Variants in FUCA1 observed in about 807,000 individuals in gnomAD.
FUCA1 encodes alpha-L-fucosidase 1.
FUCA1 carries 52 observed loss-of-function variants against 56.8 expected under a neutral mutation model. That is an observed-to-expected ratio of 0.92 (90% CI 0.73 to 1.15). The LOEUF (loss-of-function observed/expected upper bound fraction) is 1.15. Ranked by LOEUF, FUCA1 falls within the 50% of genes most tolerant of loss-of-function variation. The probability of loss-of-function intolerance (pLI) is 0.00; values close to 1 mark genes in which losing one functional copy is unlikely to be tolerated. For missense variants in FUCA1, 568 were observed against 592.6 expected (o/e 0.96, Z 0.43); for synonymous variants, 230 against 226.6 (o/e 1.02, Z -0.14).
In FUCA1 at chr1:23,845,539, T is replaced by A. The variant is rs573642976; in HGVS notation, c.*176A>T. On this transcript the variant is annotated 3_prime_UTR_variant, in exon 8 of 8. Coordinates refer to ENST00000374479, the MANE Select transcript of FUCA1 (RefSeq NM_000147.5). Reference sequence around the variant, plus strand: ...AGATATAATCACAATGGATCTCAGATCTTTGGTCCATTTAGACATCAGGGT... The same window carrying A: ...AGATATAATCACAATGGATCTCAGAACTTTGGTCCATTTAGACATCAGGGT... 3 of 706,766 alleles carry A rather than the reference T, an allele frequency of 4.2e-6. No individual in the cohort carries two copies. In the South Asian group the frequency reaches 5.3e-5, roughly 12 times the overall value. The allele number at this position is 706,766 out of a possible 1,614,324, so 43.8% of individuals were successfully genotyped here.
chr1:23,846,323 G>A (rs989608718), intron 6 of FUCA1, 150 bp from the exon 7 acceptor site: 10 of 649,020 alleles, frequency 1.5e-5, no homozygotes, highest in Non-Finnish European at 2.7e-5. Context: ...CCAGGCTGGA[G>A]TGCAATGGTG....
chr1:23,855,532 GTTCAA>G lies in FUCA1; in HGVS notation c.769-977_769-973del, dbSNP rs563983289. ...AAAACAAAAACAAAACTGAAACCATGTTCAATTCATCACGGCAAAAAGAGATTTAT... is the reference window on the plus strand; with the variant it reads ...AAAACAAAAACAAAACTGAAACCATGTTCATCACGGCAAAAAGAGATTTAT... On this transcript the variant is annotated intron_variant, in intron 4 of 7. Transcript: ENST00000374479. Among the ~76,000 whole-genome samples, 778 of 152,278 alleles carry G rather than the reference GTTCAA, an allele frequency of 5.1e-3. 4 individuals carry two copies. The highest frequency in any genetic ancestry group is 5.6e-3 in the Non-Finnish European group (380 of 68,030).
chr1:23,863,856 CAAAAA>C (rs1477818505), intron 2 of FUCA1, among the ~76,000 whole-genome samples: 2 of 151,574 alleles, frequency 1.3e-5, no homozygotes, highest in Non-Finnish European at 2.9e-5. Flanking sequence ...TGTCTCAAAA[CAAAAA>C]CAAAACAAAA....
chr1:23,846,393 T>A (rs1639141842), intron 6 of FUCA1, among the ~76,000 whole-genome samples: 1 of 151,774 alleles, frequency 6.6e-6, no homozygotes, highest in African/African-American at 2.4e-5. Flanking sequence ...TGGTTCAGCC[T>A]CCTGAGTCAC....
rs768651380 is a variant in FUCA1 at position 23,845,699 on chromosome 1, T to A, written c.*16A>T. The A allele has an allele frequency of 5.0e-6, 8 of 1,614,180 alleles. No individual in the cohort carries two copies. The highest frequency in any genetic ancestry group is 6.8e-6 in the Non-Finnish European group (8 of 1,180,008). The stretch of plus-strand genomic sequence containing the variant: ...AAAACAGTGAGCAGCGCCTCTTTCT[T>A]CTTGCACTCAAATGATTACTTCACT... On this transcript the variant is annotated 3_prime_UTR_variant, in exon 8 of 8. Coordinates refer to ENST00000374479, the MANE Select transcript of FUCA1 (RefSeq NM_000147.5).
At chr1:23,849,046 G>A (rs1639203986) in intron 5 of FUCA1, among the ~76,000 whole-genome samples, 1 of 151,528 alleles carries the variant, frequency 6.6e-6, no homozygotes, top group African/African-American at 2.4e-5. Flanking sequence ...TGGCTCAACT[G>A]CATCTCGGCT....
intron 5 of FUCA1, among the ~76,000 whole-genome samples, chr1:23,850,427 A>T (rs1012119951): frequency 6.6e-6 from 1 of 151,696 alleles, no homozygotes; most frequent in African/African-American, 2.4e-5. Context: ...TTTCCTATGT[A>T]GTTAATTTTA....
chr1:23,853,804 CAGGGTTA>C (rs1444448761), intron 5 of FUCA1, among the ~76,000 whole-genome samples: 14 of 151,964 alleles, frequency 9.2e-5, no homozygotes, highest in Non-Finnish European at 1.9e-4. Context: ...TGTGTCCACT[CAGGGTTA>C]AATGGATTAA....
chr1:23,852,100 T>TAATAATAATAAAAAA (rs370893792), intron 5 of FUCA1, among the ~76,000 whole-genome samples: 1 of 149,714 alleles, frequency 6.7e-6, no homozygotes, highest in East Asian at 2.0e-4. Flanking sequence ...ATAATAATAA[T>TAATAATAATAAAAAA]AAAAAGTGGT....
intron 5 of FUCA1, 35 bp from the exon 6 acceptor site, chr1:23,848,874 G>T: frequency 6.4e-7 from 1 of 1,565,436 alleles, no homozygotes; most frequent in Non-Finnish European, 8.8e-7. Flanking sequence ...GTCTAGCTAT[G>T]AATGCCAAGC....
Position 23,863,139 on chromosome 1 carries a change from A to G in FUCA1, c.657T>C (p.Val219=). 1 of 1,613,890 alleles carries G rather than the reference A, an allele frequency of 6.2e-7. No individual in the cohort carries two copies. The highest frequency in any genetic ancestry group is 8.5e-7 in the Non-Finnish European group (1 of 1,179,970). ...AKTMPELYDL[V]NSYKPDLIWS... ...AAAATATTTCAGTGTCTTACCTGTT[A>G]ACAAGGTCGTACAGCTCTGGCATTG... The change falls in exon 3 of 8, where the codon GTT becomes GTC. Residue 219 remains valine (V), a synonymous_variant. Transcript: ENST00000374479.
chr1:23,853,646 G>A (rs1485974911), intron 5 of FUCA1, among the ~76,000 whole-genome samples: 1 of 151,124 alleles, frequency 6.6e-6, no homozygotes, highest in Non-Finnish European at 1.5e-5. Flanking sequence ...GGAAAGGATT[G>A]AGAAATCGGA....
At chr1:23,866,454 C>A (rs2148449625) in intron 1 of FUCA1, among the ~76,000 whole-genome samples, 1 of 152,306 alleles carries the variant, frequency 6.6e-6, no homozygotes, top group Non-Finnish European at 1.5e-5. Context: ...GAAATAACAA[C>A]CAAATCACTC....
In FUCA1 at chr1:23,868,120, G is replaced by A. The variant is rs886046325; in HGVS notation, c.167C>T (p.Ala56Val). 1 of 1,611,768 alleles carries A rather than the reference G, an allele frequency of 6.2e-7. No individual in the cohort carries two copies. The highest frequency in any genetic ancestry group is 1.1e-5 in the South Asian group (1 of 90,906). Reference sequence around the variant, plus strand: ...CCAGTGGATGAACACCCCGAACTTGGCTTCGTCGAACCAGGCCGGCAGCGG... The same window carrying A: ...CCAGTGGATGAACACCCCGAACTTGACTTCGTCGAACCAGGCCGGCAGCGG... Reference protein sequence around the residue: ...SRPLPAWFDEAKFGVFIHWGV... With the variant: ...SRPLPAWFDEVKFGVFIHWGV... Residue 56 changes from alanine (A) to valine (V), a missense_variant, in exon 1 of 8, where the codon GCC becomes GTC. Ala to Val is a moderately conservative substitution (Grantham distance 64). Coordinates refer to ENST00000374479, the MANE Select transcript of FUCA1 (RefSeq NM_000147.5).
In FUCA1 at chr1:23,863,124, A is replaced by T. The variant is rs376168280; in HGVS notation, c.662+10T>A. ...AAAAGTCATAGGGCCAAAATATTTC[A>T]GTGTCTTACCTGTTAACAAGGTCGT... On this transcript the variant is annotated intron_variant, in intron 3 of 7. Coordinates refer to ENST00000374479, the MANE Select transcript of FUCA1 (RefSeq NM_000147.5). 7.4e-6 allele frequency: 12 copies of T among 1,613,598 alleles called. No individual in the cohort carries two copies. In the African/African-American group the frequency reaches 1.6e-4, roughly 22 times the overall value.
intron 2 of FUCA1, among the ~76,000 whole-genome samples, chr1:23,864,248 A>T (rs1036823328): frequency 1.3e-5 from 2 of 151,852 alleles, no homozygotes; most frequent in African/African-American, 4.8e-5. Flanking sequence ...CACCACACCC[A>T]GCTAATTTAT....
At chr1:23,848,559 G>A in intron 6 of FUCA1, 90 bp downstream of exon 6, 2 of 1,295,050 alleles carry the variant, frequency 1.5e-6, no homozygotes, top group South Asian at 2.4e-5. Context: ...GCAACTTCCA[G>A]CCTGGCTTGT....
chr1:23,853,132 C>A (rs1318427952), intron 5 of FUCA1, among the ~76,000 whole-genome samples: 24 of 147,786 alleles, frequency 1.6e-4, no homozygotes, highest in East Asian at 4.1e-4. Flanking sequence ...CCCGCCGCCC[C>A]GTCTGGGATG....
chr1:23,861,919 T>C (rs910082873), intron 3 of FUCA1, among the ~76,000 whole-genome samples: 1 of 152,206 alleles, frequency 6.6e-6, no homozygotes, highest in African/African-American at 2.4e-5. Flanking sequence ...TATAAGAAAT[T>C]GTACTAGGCA....
Sources: allele counts gnomAD v4.1 joint callset (sites outside exome capture counted in the v4.1 genomes callset), GRCh38; gene constraint gnomAD v4.1.1; transcripts MANE v1.5; gene names NCBI Gene and HGNC (gene_info 2026-07-23, HGNC 2026-07-21).